The following ENKUR variants were observed in gnomAD, a reference collection of about 807,000 sequenced individuals.
ENKUR encodes enkurin.
In ENKUR, 19 loss-of-function variants were observed where a neutral mutation model predicts 27.6. The ratio of observed to expected loss-of-function variants is 0.69; its 90% CI spans 0.48 to 1.01. The LOEUF is 1.01. Ranked by LOEUF, ENKUR falls within the 50% of genes least tolerant of loss-of-function variation. The probability of loss-of-function intolerance (pLI) is 0.00; values close to 1 mark genes in which losing one functional copy is unlikely to be tolerated. For missense variants in ENKUR, 312 were observed against 310.5 expected (o/e 1.00, Z -0.04); for synonymous variants, 117 against 96.9 (o/e 1.21, Z -1.22).
At chr10:25,005,443 T>C (rs573053211) in intron 1 of ENKUR, among the ~76,000 whole-genome samples, 4 of 152,258 alleles carry the variant, frequency 2.6e-5, no homozygotes, top group East Asian at 3.9e-4. Flanking sequence ...GCTGGGATAG[T>C]TTGAAAGTGC....
chr10:24,993,322 A>AT (rs769580846), intron 3 of ENKUR, among the ~76,000 whole-genome samples: 15 of 152,232 alleles, frequency 9.9e-5, no homozygotes, highest in Non-Finnish European at 2.1e-4. Flanking sequence ...ATTAGGTGTC[A>AT]CATTTTGTGT....
At chr10:25,057,964 TA>T (rs1851280025) in intron 2 of ENKUR, among the ~76,000 whole-genome samples, 1 of 152,110 alleles carries the variant, frequency 6.6e-6, no homozygotes, top group Admixed American at 6.5e-5. Flanking sequence ...AACATCATGA[TA>T]AAACAGTGTC....
At chr10:24,992,740 A>G (rs905383408) in intron 3 of ENKUR, among the ~76,000 whole-genome samples, 1 of 152,246 alleles carries the variant, frequency 6.6e-6, no homozygotes, top group African/African-American at 2.4e-5. Flanking sequence ...TTGTCATCAC[A>G]GTGTAACTTA....
chr10:25,040,595 C>T (rs1851052756), intron 2 of ENKUR, among the ~76,000 whole-genome samples: 1 of 152,108 alleles, frequency 6.6e-6, no homozygotes, highest in Non-Finnish European at 1.5e-5. Context: ...TGGTCTCGAT[C>T]TCCTGACCGC....
At chr10:25,003,168 TAA>T (rs1491280360) in intron 1 of ENKUR, among the ~76,000 whole-genome samples, 6 of 150,666 alleles carry the variant, frequency 4.0e-5, no homozygotes, top group Admixed American at 2.0e-4. Flanking sequence ...TTTAATTAAT[TAA>T]TTAATTAATT....
At chr10:24,997,273 A>G (rs1217483628) in intron 2 of ENKUR, among the ~76,000 whole-genome samples, 1 of 152,040 alleles carries the variant, frequency 6.6e-6, no homozygotes, top group Non-Finnish European at 1.5e-5. Flanking sequence ...GCAAAAATCA[A>G]CTAATCCTCT....
At chr10:25,011,768 G>C (rs551092631) in intron 1 of ENKUR, among the ~76,000 whole-genome samples, 2 of 152,112 alleles carry the variant, frequency 1.3e-5, no homozygotes. Flanking sequence ...GAGCATAAAA[G>C]TTCAGAAAAT....
chr10:25,011,207 A>T (rs1850437167), intron 1 of ENKUR, among the ~76,000 whole-genome samples: 1 of 152,022 alleles, frequency 6.6e-6, no homozygotes, highest in African/African-American at 2.4e-5. Context: ...GATGATGACC[A>T]TTTTTTCATC....
At chr10:24,998,957 A>C (rs1361756156) in intron 2 of ENKUR, among the ~76,000 whole-genome samples, 2 of 152,178 alleles carry the variant, frequency 1.3e-5, no homozygotes, top group Non-Finnish European at 2.9e-5. Flanking sequence ...GGAGAGTAAA[A>C]GCCCGTACTC....
chr10:24,993,364 C>T (rs1057026807), intron 3 of ENKUR, among the ~76,000 whole-genome samples: 5 of 152,168 alleles, frequency 3.3e-5, no homozygotes, highest in Admixed American at 6.5e-5. Flanking sequence ...ATAATTTAAT[C>T]CTCACTACAA....
At chr10:25,061,259 G>A in exon 2 of ENKUR, 1 of 891,580 alleles carries the variant, frequency 1.1e-6, no homozygotes, top group Non-Finnish European at 1.8e-6. Flanking sequence ...GATGCTGCCA[G>A]ACACATCCAG....
chr10:24,984,379 G>GCA lies in ENKUR; in HGVS notation c.765-5_765-4dup. On this transcript the variant is annotated splice_polypyrimidine_tract_variant and splice_region_variant and intron_variant, in intron 5 of 5. Transcript: ENST00000331161. ...AGTTGTGCTGTTGGTATCATGCGCT[G>GCA]CAGAAAAAAAAAAAAAAAAGTGAAG... The GCA allele has an allele frequency of 2.1e-6, 3 of 1,423,582 alleles. No individual in the cohort carries two copies. Among genetic ancestry groups the GCA allele is most frequent in the Non-Finnish European group, 2.8e-6 (3 of 1,086,586 alleles). The allele number at this position is 1,423,582 out of a possible 1,614,324, so 88.2% of individuals were successfully genotyped here.
intron 2 of ENKUR, among the ~76,000 whole-genome samples, chr10:25,056,621 T>C (rs993670936): frequency 6.6e-6 from 1 of 152,166 alleles, no homozygotes; most frequent in Non-Finnish European, 1.5e-5. Context: ...AAGGGAAATA[T>C]ACCTGGAAAG....
intron 1 of ENKUR, among the ~76,000 whole-genome samples, chr10:25,015,491 A>G (rs577001033): frequency 6.6e-6 from 1 of 152,348 alleles, no homozygotes; most frequent in South Asian, 2.1e-4. Context: ...TCCTGAAACC[A>G]AACATCAAGT....
Position 25,013,193 on chromosome 10 carries a change from A to G in ENKUR, c.77+2667T>C, listed in dbSNP as rs931055991. Among the ~76,000 whole-genome samples, 24 of 152,348 alleles carry G rather than the reference A, an allele frequency of 1.6e-4. No individual in the cohort carries two copies. In the South Asian group the frequency reaches 4.8e-3, roughly 30 times the overall value. ...GTGAGTCAATTAAACTTCTTTTGAA[A>G]TATAAATTACCCAGTCTCGAGTATG... On this transcript the variant is annotated intron_variant, in intron 1 of 5. Transcript: ENST00000331161.
At chr10:25,023,197 T>C in intron 2 of ENKUR, 1 of 1,573,008 alleles carries the variant, frequency 6.4e-7, no homozygotes, top group Non-Finnish European at 8.6e-7. Flanking sequence ...ATTTTTAGGT[T>C]GGCTTGGGCA....
intron 2 of ENKUR, among the ~76,000 whole-genome samples, chr10:25,060,540 C>T (rs1851315116): frequency 2.6e-5 from 4 of 152,206 alleles, no homozygotes; most frequent in Admixed American, 2.6e-4. Flanking sequence ...AGCATAAATA[C>T]ACCGAAAATA....
chr10:24,990,402 C>A, intron 4 of ENKUR, 61 bp downstream of exon 4: 1 of 1,546,706 alleles, frequency 6.5e-7, no homozygotes, highest in Non-Finnish European at 8.7e-7. Context: ...AGTGATGGTA[C>A]ACCTTTCTTT....
intron 2 of ENKUR, among the ~76,000 whole-genome samples, chr10:24,997,320 G>C (rs1850085554): frequency 6.6e-6 from 1 of 151,240 alleles, no homozygotes; most frequent in Non-Finnish European, 1.5e-5. Flanking sequence ...CTCCAGAACT[G>C]TCCTCCAGAA....
Sources: allele counts gnomAD v4.1 joint callset (sites outside exome capture counted in the v4.1 genomes callset), GRCh38; gene constraint gnomAD v4.1.1; transcripts MANE v1.5; gene names NCBI Gene and HGNC (gene_info 2026-07-23, HGNC 2026-07-21).